Variants in HIVEP1 observed in about 807,000 individuals in gnomAD.
HIVEP1 encodes HIVEP zinc finger 1.
A neutral mutation model predicts 180.0 loss-of-function variants in HIVEP1; 36 were observed. The ratio of observed to expected loss-of-function variants is 0.20; its 90% CI spans 0.15 to 0.26. The LOEUF (loss-of-function observed/expected upper bound fraction) is 0.26, where lower values mean the gene tolerates loss of function less well. Ranked by LOEUF, HIVEP1 falls within the 10% of genes least tolerant of loss-of-function variation. The probability of loss-of-function intolerance (pLI) is 1.00; values close to 1 mark genes in which losing one functional copy is unlikely to be tolerated. For missense variants in HIVEP1, 3,143 were observed against 3,268.7 expected (o/e 0.96, Z 0.94); for synonymous variants, 1,239 against 1,239.0 (o/e 1.00, Z 0.00).
At chr6:12,035,515 G>A (rs906323261) in intron 2 of HIVEP1, among the ~76,000 whole-genome samples, 1 of 152,108 alleles carries the variant, frequency 6.6e-6, no homozygotes, top group African/African-American at 2.4e-5. Flanking sequence ...TGCTTTTTAT[G>A]TATTCCTTGT....
chr6:12,039,945 G>A (rs1769561150), intron 2 of HIVEP1, among the ~76,000 whole-genome samples: 1 of 152,212 alleles, frequency 6.6e-6, no homozygotes. Flanking sequence ...CATCTGGCCT[G>A]GCTGCCCTGC....
At chr6:12,093,285 A>G (rs1407250982) in intron 3 of HIVEP1, among the ~76,000 whole-genome samples, 2 of 151,920 alleles carry the variant, frequency 1.3e-5, no homozygotes, top group Non-Finnish European at 2.9e-5. Flanking sequence ...ATAACTATTC[A>G]TTTTATGTGC....
the HIVEP1 span, among the ~76,000 whole-genome samples, chr6:12,184,110 T>G: frequency 2.6e-5 from 4 of 152,166 alleles, no homozygotes; most frequent in African/African-American, 9.7e-5. Flanking sequence ...AAAAGAGAAC[T>G]ATTTGAATTC....
intron 3 of HIVEP1, among the ~76,000 whole-genome samples, chr6:12,115,350 CTTT>C (rs34074662): frequency 2.6e-3 from 196 of 75,290 alleles, no homozygotes; most frequent in South Asian, 0.015. Context: ...CCCAACTATT[CTTT>C]TTTTTTTTTT....
At chr6:12,196,638 T>C in the HIVEP1 span, among the ~76,000 whole-genome samples, 1 of 152,088 alleles carries the variant, frequency 6.6e-6, no homozygotes, top group Non-Finnish European at 1.5e-5. Flanking sequence ...CTTCCTTCCT[T>C]CCCATCATCA....
At chr6:12,044,003 T>C (rs930926057) in intron 2 of HIVEP1, among the ~76,000 whole-genome samples, 1 of 152,152 alleles carries the variant, frequency 6.6e-6, no homozygotes, top group Non-Finnish European at 1.5e-5. Flanking sequence ...GGGGAGCGTG[T>C]GAATGTGTGG....
At chr6:12,020,329 G>A (rs1306589934) in intron 2 of HIVEP1, 1 of 471,094 alleles carries the variant, frequency 2.1e-6, no homozygotes. Flanking sequence ...AGCAGCACTT[G>A]GTGTTCAGAA....
chr6:12,137,367 T>C (rs1230339491), intron 7 of HIVEP1, among the ~76,000 whole-genome samples: 1 of 152,250 alleles, frequency 6.6e-6, no homozygotes, highest in Non-Finnish European at 1.5e-5. Flanking sequence ...AGGAGAATTA[T>C]AGTTTCTGTT....
Position 12,121,121 on chromosome 6 carries a change from A to C in HIVEP1, c.1326A>C (p.Ser442=). ...RPYPCVTCGF[S]FKTKSNLYKH... is the part of the protein sequence containing the mutation. ...ATCCCTGTGTGACTTGTGGATTTTC[A>C]TTTAAGACTAAAAGTAATCTGTATA... Residue 442 remains serine, a synonymous_variant, in exon 4 of 9, where the codon TCA becomes TCC. Transcript: ENST00000379388. This position sits in a 1 kb window ranked among gnomAD's most constrained non-coding sequence, Gnocchi z 5.3. The C allele has an allele frequency of 6.2e-7, 1 of 1,614,204 alleles. No homozygotes were observed. The highest frequency in any genetic ancestry group is 1.7e-4 in the Middle Eastern group (1 of 6,060).
Position 12,033,526 on chromosome 6 carries a change from G to A in HIVEP1, c.40+17858G>A, listed in dbSNP as rs375538764. Among the ~76,000 whole-genome samples, 14 of 152,260 alleles carry A rather than the reference G, an allele frequency of 9.2e-5. No homozygotes were observed. The South Asian group carries it at 1.5e-3, about 16-fold the overall frequency. On this transcript the variant is annotated intron_variant, in intron 2 of 8. Transcript: ENST00000379388. ...ACAGCCCACTCTGCTCAACCTCAGC[G>A]GTTCTCTTCTGTGATATTTAAGTTA... is the stretch of plus-strand genomic sequence containing the variant.
chr6:12,093,961 A>G (rs1456127442), intron 3 of HIVEP1, among the ~76,000 whole-genome samples: 3 of 152,056 alleles, frequency 2.0e-5, no homozygotes, highest in African/African-American at 7.2e-5. Context: ...GTTTGATTGA[A>G]TCTGGGGCAA....
At chr6:12,138,109 C>CATGTATG (rs1187312575) in intron 7 of HIVEP1, among the ~76,000 whole-genome samples, 1 of 152,180 alleles carries the variant, frequency 6.6e-6, no homozygotes, top group Non-Finnish European at 1.5e-5. Flanking sequence ...TCAGTTCATT[C>CATGTATG]AACGTACATG....
At chr6:12,183,705 C>G in the HIVEP1 span, among the ~76,000 whole-genome samples, 1 of 152,124 alleles carries the variant, frequency 6.6e-6, no homozygotes, top group Non-Finnish European at 1.5e-5. Context: ...GTCTAGCCAT[C>G]TACACTCAAA....
intron 2 of HIVEP1, among the ~76,000 whole-genome samples, chr6:12,055,998 G>A (rs1561895498): frequency 1.3e-5 from 2 of 152,050 alleles, no homozygotes; most frequent in African/African-American, 2.4e-5. Context: ...TTTTATATGC[G>A]CTTGCTCAGC....
At chr6:12,051,181 A>G (rs1770516156) in intron 2 of HIVEP1, among the ~76,000 whole-genome samples, 1 of 151,700 alleles carries the variant, frequency 6.6e-6, no homozygotes, top group Non-Finnish European at 1.5e-5. Context: ...AGTTCAGACT[A>G]CTAATGCCAG....
At chr6:12,184,014 TAGATAGATAGACAGAC>T in the HIVEP1 span, among the ~76,000 whole-genome samples, 1 of 139,648 alleles carries the variant, frequency 7.2e-6, no homozygotes, top group African/African-American at 2.8e-5. Flanking sequence ...GATAGATAGA[TAGATAGATAGACAGAC>T]AGACAGACAG....
At chr6:12,132,953 T>G (rs957770873) in intron 6 of HIVEP1, among the ~76,000 whole-genome samples, 1 of 152,192 alleles carries the variant, frequency 6.6e-6, no homozygotes, top group African/African-American at 2.4e-5. Flanking sequence ...TAGACCTTTT[T>G]TTGAATTATG....
At chr6:12,171,871 C>T in the HIVEP1 span, among the ~76,000 whole-genome samples, 13 of 152,182 alleles carry the variant, frequency 8.5e-5, no homozygotes, top group Admixed American at 2.0e-4. Context: ...GTATGATTCA[C>T]GCCAATCCTC....
At chr6:12,176,667 A>G in the HIVEP1 span, among the ~76,000 whole-genome samples, 9 of 152,122 alleles carry the variant, frequency 5.9e-5, no homozygotes, top group Non-Finnish European at 1.3e-4. Context: ...TCCTTTAAAA[A>G]GGATACAAAG....
Sources: allele counts gnomAD v4.1 joint callset (sites outside exome capture counted in the v4.1 genomes callset), GRCh38; gene constraint gnomAD v4.1.1; non-coding constraint Gnocchi (gnomAD v3.1); transcripts MANE v1.5; gene names NCBI Gene and HGNC (gene_info 2026-07-23, HGNC 2026-07-21).